Variants in XKR4 observed in about 807,000 individuals in gnomAD.
XKR4 encodes XK related 4, also known as XK-related protein 4.
XKR4 carries 12 observed loss-of-function variants against 53.9 expected under a neutral mutation model. That is an observed-to-expected ratio of 0.22 (90% CI 0.14 to 0.36). The LOEUF (loss-of-function observed/expected upper bound fraction) is 0.36. Among genes scored for constraint, XKR4 ranks in the 10% least tolerant of loss-of-function variants. The pLI is 1.00. For missense variants in XKR4, 799 were observed against 859.5 expected (o/e 0.93, Z 0.88); for synonymous variants, 354 against 362.4 (o/e 0.98, Z 0.26).
At chr8:55,148,381 G>T (rs1816797461) in intron 1 of XKR4, among the ~76,000 whole-genome samples, 1 of 151,730 alleles carries the variant, frequency 6.6e-6, no homozygotes, top group Admixed American at 6.6e-5. Context: ...CTCCAGTGTG[G>T]GTAACAGAGG....
intron 2 of XKR4, among the ~76,000 whole-genome samples, chr8:55,444,083 A>G (rs1805311378): frequency 6.6e-6 from 1 of 152,174 alleles, no homozygotes; most frequent in Non-Finnish European, 1.5e-5. Context: ...AGGCACAAGA[A>G]TCACTTGAAC....
At position 55,528,374 on chromosome 8, in the gene XKR4, C is replaced by T. The variant is rs932267525; in HGVS notation, c.*4147C>T. On this transcript the variant is annotated 3_prime_UTR_variant, in exon 3 of 3. Transcript: ENST00000327381. ...CAAAGAGAACCTCTTCTGTCCTTAC[C>T]AGGATTGTGTAAGGTTACACATTTG... 2.0e-5 allele frequency: 3 copies of T among 152,200 alleles called. No individual in the cohort carries two copies. Among genetic ancestry groups the T allele is most frequent in the African/African-American group, 7.2e-5 (3 of 41,456 alleles). 9.4% of individuals were successfully genotyped at this position (152,200 alleles called of 1,614,324 possible). A position where few individuals can be genotyped will look rare whatever the true frequency, so the allele number is the denominator to read the frequency against.
intron 2 of XKR4, among the ~76,000 whole-genome samples, chr8:55,408,863 A>C (rs2929003): frequency 1.3e-5 from 2 of 151,872 alleles, no homozygotes; most frequent in Non-Finnish European, 2.9e-5. Flanking sequence ...AAAAATTAGC[A>C]GGGCATGGTG....
intron 1 of XKR4, among the ~76,000 whole-genome samples, chr8:55,186,181 C>T (rs1817374096): frequency 6.6e-6 from 1 of 152,002 alleles, no homozygotes; most frequent in Admixed American, 6.6e-5. Flanking sequence ...GTTTGACCCT[C>T]GTATCAAAAC....
At chr8:55,516,776 A>G (rs1044387218) in intron 2 of XKR4, among the ~76,000 whole-genome samples, 5 of 152,226 alleles carry the variant, frequency 3.3e-5, no homozygotes, top group African/African-American at 1.2e-4. Flanking sequence ...TACTGGGTAC[A>G]TACCCAAAGG....
At chr8:55,229,445 C>T (rs1818001132) in intron 1 of XKR4, among the ~76,000 whole-genome samples, 1 of 152,218 alleles carries the variant, frequency 6.6e-6, no homozygotes, top group Non-Finnish European at 1.5e-5. Context: ...GTATCTAGAG[C>T]AGCACTGGAC....
Position 55,240,501 on chromosome 8 carries a change from G to C in XKR4, c.807-117177G>C, listed in dbSNP as rs114804492. 4.6e-3 allele frequency among the ~76,000 whole-genome samples: 705 copies of C among 152,260 alleles called. 6 individuals are homozygous for C. Among genetic ancestry groups the C allele is most frequent in the African/African-American group, 0.016 (656 of 41,538 alleles). Reference sequence around the variant, plus strand: ...CTGACATGGCAGAGAGATAGGAAAGGCTCAAGAGCCAGAGAGAACATGATC... The same window carrying C: ...CTGACATGGCAGAGAGATAGGAAAGCCTCAAGAGCCAGAGAGAACATGATC... On this transcript the variant is annotated intron_variant, in intron 1 of 2. Transcript: ENST00000327381.
Position 55,102,526 on chromosome 8 carries a change from A to C in XKR4, c.38A>C (p.Lys13Thr). 1 of 1,547,848 alleles carries C rather than the reference A, an allele frequency of 6.5e-7. No homozygotes were observed. Among genetic ancestry groups the C allele is most frequent in the Middle Eastern group, 1.7e-4 (1 of 5,814 alleles). ...TCAGACGGGAGGCTGAAAATGAAGAAAAGCAGCGACGTGGCGTTCACCCCG... is the reference window on the plus strand; with the variant it reads ...TCAGACGGGAGGCTGAAAATGAAGACAAGCAGCGACGTGGCGTTCACCCCG... ...AKSDGRLKMKKSSDVAFTPLQ... is the reference protein window; with the variant it reads ...AKSDGRLKMKTSSDVAFTPLQ... The change falls in exon 1 of 3, where the codon AAA becomes ACA. Residue 13 changes from lysine to threonine, a missense_variant. Around this residue, in one of 3 missense-constraint regions of XKR4, gnomAD observed 476 missense variants for 505.4 expected, o/e 0.94. Transcript: ENST00000327381. This position sits in a 1 kb window ranked among gnomAD's most constrained non-coding sequence, Gnocchi z 5.1.
At chr8:55,485,511 T>A (rs1054673688) in intron 2 of XKR4, among the ~76,000 whole-genome samples, 1 of 152,196 alleles carries the variant, frequency 6.6e-6, no homozygotes, top group African/African-American at 2.4e-5. Flanking sequence ...CTATTTACAG[T>A]CACTCAGAAA....
chr8:55,194,843 C>A (rs2129361439), intron 1 of XKR4, among the ~76,000 whole-genome samples: 1 of 152,300 alleles, frequency 6.6e-6, no homozygotes, highest in South Asian at 2.1e-4. Context: ...CTGTGGCTAA[C>A]AAATCCTTTT....
chr8:55,146,317 G>A (rs549990924), intron 1 of XKR4, among the ~76,000 whole-genome samples: 52 of 152,272 alleles, frequency 3.4e-4, no homozygotes, highest in African/African-American at 1.1e-3. Flanking sequence ...GGACAAGAAG[G>A]GACCTGTTTT....
At chr8:55,184,655 G>A (rs556077604) in intron 1 of XKR4, among the ~76,000 whole-genome samples, 51 of 152,268 alleles carry the variant, frequency 3.3e-4, no homozygotes, top group Admixed American at 3.3e-3. Flanking sequence ...TCTGTGCCAC[G>A]CTGGGTTTCA....
Position 55,102,595 on chromosome 8 carries a change from C to A in XKR4, c.107C>A (p.Pro36Gln). 6.7e-7 allele frequency: 1 copy of A among 1,485,670 alleles called. No individual in the cohort carries two copies. The highest frequency in any genetic ancestry group is 9.0e-7 in the Non-Finnish European group (1 of 1,109,348). The allele number at this position is 1,485,670 out of a possible 1,614,324, so 92.0% of individuals were successfully genotyped here. A position where few individuals can be genotyped will look rare whatever the true frequency, so the allele number is the denominator to read the frequency against. Residue 36 changes from proline to glutamine, a missense_variant, in exon 1 of 3, where the codon CCA (proline) becomes CAA (glutamine). Around this residue, in one of 3 missense-constraint regions of XKR4, gnomAD observed 476 missense variants for 505.4 expected, o/e 0.94. Transcript: ENST00000327381. This position sits in a 1 kb window ranked among gnomAD's most constrained non-coding sequence, Gnocchi z 5.1. Reference sequence around the variant, plus strand: ...TCGGGCTCGGTGCAGGGATTGGCTCCAGGCTTGCCGTCGGGGTCGGGAGCC... The same window carrying A: ...TCGGGCTCGGTGCAGGGATTGGCTCAAGGCTTGCCGTCGGGGTCGGGAGCC... ...DHSGSVQGLA[P>Q]GLPSGSGAED...
At chr8:55,257,759 G>T (rs766863083) in intron 1 of XKR4, among the ~76,000 whole-genome samples, 1 of 152,070 alleles carries the variant, frequency 6.6e-6, no homozygotes. Flanking sequence ...CTCAAATAAA[G>T]GAAACACATT....
chr8:55,398,128 A>G (rs2129389538), intron 2 of XKR4, among the ~76,000 whole-genome samples: 1 of 152,348 alleles, frequency 6.6e-6, no homozygotes, highest in South Asian at 2.1e-4. Context: ...GCACTTTCAG[A>G]GGATGGAAGG....
At chr8:55,295,454 C>T (rs1209613422) in intron 1 of XKR4, among the ~76,000 whole-genome samples, 2 of 152,112 alleles carry the variant, frequency 1.3e-5, no homozygotes, top group African/African-American at 2.4e-5. Context: ...TCTTTTGATA[C>T]ATAGTAACTG....
chr8:55,232,413 G>A (rs145707445), intron 1 of XKR4, among the ~76,000 whole-genome samples: 2 of 152,224 alleles, frequency 1.3e-5, no homozygotes, highest in Non-Finnish European at 2.9e-5. Context: ...TCCTACAGAT[G>A]GCTTGGAAAG....
Position 55,340,602 on chromosome 8 carries a change from C to T in XKR4, c.807-17076C>T, listed in dbSNP as rs569645513. Among the ~76,000 whole-genome samples the T allele has an allele frequency of 1.8e-4, 27 of 152,356 alleles. No individual in the cohort carries two copies. In the South Asian group the frequency reaches 4.1e-3, roughly 23 times the overall value. ...AAGGCCAGCTCAGGATCCTTCCCAGCGCAGTCACCTCCAGTGGGTCACAGT... is the reference window on the plus strand; with the variant it reads ...AAGGCCAGCTCAGGATCCTTCCCAGTGCAGTCACCTCCAGTGGGTCACAGT... On this transcript the variant is annotated intron_variant, in intron 1 of 2. Transcript: ENST00000327381.
At chr8:55,271,073 C>T (rs1818684488) in intron 1 of XKR4, among the ~76,000 whole-genome samples, 1 of 152,128 alleles carries the variant, frequency 6.6e-6, no homozygotes, top group Non-Finnish European at 1.5e-5. Context: ...GCCATCTTCT[C>T]CTCCTCCAGA....
Sources: allele counts gnomAD v4.1 joint callset (sites outside exome capture counted in the v4.1 genomes callset), GRCh38; gene constraint gnomAD v4.1.1; regional missense constraint gnomAD v4.1.1; non-coding constraint Gnocchi (gnomAD v3.1); transcripts MANE v1.5; gene names NCBI Gene and HGNC (gene_info 2026-07-23, HGNC 2026-07-21).